Variants in BDP1 observed in about 807,000 individuals in gnomAD.
BDP1 encodes BDP1 general transcription factor IIIB subunit.
BDP1 carries 169 observed loss-of-function variants against 266.6 expected under a neutral mutation model. That is an observed-to-expected ratio of 0.63 (90% confidence interval 0.56 to 0.72). The LOEUF (loss-of-function observed/expected upper bound fraction) is 0.72, where lower values mean the gene tolerates loss of function less well. Among genes scored for constraint, BDP1 ranks in the 30% least tolerant of loss-of-function variants. The probability of loss-of-function intolerance (pLI) is 0.00; values close to 1 mark genes in which losing one functional copy is unlikely to be tolerated. For synonymous variants in BDP1, 1,090 were observed against 1,022.4 expected (o/e 1.07, Z -1.26); for missense variants, 3,015 against 3,053.8 (o/e 0.99, Z 0.30).
At position 71,567,590 on chromosome 5, in the gene BDP1, A is replaced by G. The variant is rs775049696; in HGVS notation, c.*2705A>G. 7.2e-5 allele frequency: 11 copies of G among 152,628 alleles called. No individual in the cohort carries two copies. The highest frequency in any genetic ancestry group is 1.3e-4 in the Non-Finnish European group (9 of 68,034). 9.5% of individuals were successfully genotyped at this position (152,628 alleles called of 1,614,324 possible). On this transcript the variant is annotated 3_prime_UTR_variant, in exon 39 of 39. Coordinates refer to ENST00000358731, the MANE Select transcript of BDP1 (RefSeq NM_018429.3). ...ACACTTATGTCTTAGCAAGTGGTCA[A>G]CATGAGGATTTGAACGCCTAATTGT...
At position 71,526,040 on chromosome 5, in the gene BDP1, G is replaced by A. The variant is rs561057880; in HGVS notation, c.5772+1717G>A. Among the ~76,000 whole-genome samples, 146 of 152,168 alleles carry A rather than the reference G, an allele frequency of 9.6e-4. 2 individuals carry two copies. Among genetic ancestry groups the A allele is most frequent in the African/African-American group, 2.9e-3 (121 of 41,538 alleles). On this transcript the variant is annotated intron_variant, in intron 25 of 38. Transcript: ENST00000358731. ...CTCCTCACTTCCCAGACGGGGTGGC[G>A]GCCGGGCAGAGGCTGCAATCTCGGC...
the BDP1 span, among the ~76,000 whole-genome samples, chr5:71,572,964 C>T: frequency 6.6e-6 from 1 of 152,132 alleles, no homozygotes; most frequent in Non-Finnish European, 1.5e-5. Flanking sequence ...CATGGTGGCT[C>T]ACGCCTGTAA....
chr5:71,479,945 TTTTG>T (rs1462588366), intron 7 of BDP1, among the ~76,000 whole-genome samples: 4 of 152,064 alleles, frequency 2.6e-5, no homozygotes, highest in East Asian at 1.9e-4. Context: ...TCACGGGTTT[TTTTG>T]TTTGTTTTTG....
At chr5:71,548,353 T>C (rs1479784403) in intron 32 of BDP1, among the ~76,000 whole-genome samples, 1 of 152,212 alleles carries the variant, frequency 6.6e-6, no homozygotes, top group Non-Finnish European at 1.5e-5. Context: ...GCAGTTTGCC[T>C]TCATTCAGAT....
intron 7 of BDP1, 37 bp from the exon 8 acceptor site, chr5:71,483,805 G>T (rs1763100905): frequency 6.6e-7 from 1 of 1,516,294 alleles, no homozygotes; most frequent in Non-Finnish European, 9.1e-7. Context: ...CTTGTTTTAT[G>T]AGAGAAAATT....
intron 38 of BDP1, among the ~76,000 whole-genome samples, chr5:71,563,676 G>A (rs1410725115): frequency 6.6e-6 from 1 of 152,152 alleles, no homozygotes; most frequent in African/African-American, 2.4e-5. Flanking sequence ...ACTTTGGGAG[G>A]CCAAGGCGGG....
At chr5:71,504,573 G>A (rs1209003278) in intron 15 of BDP1, 48 bp from the exon 16 acceptor site, 1 of 1,533,076 alleles carries the variant, frequency 6.5e-7, no homozygotes, top group Non-Finnish European at 8.9e-7. Context: ...AATCTGTTAT[G>A]CCTCATTGTG....
At chr5:71,554,350 A>T (rs906965960) in intron 35 of BDP1, among the ~76,000 whole-genome samples, 2 of 152,132 alleles carry the variant, frequency 1.3e-5, no homozygotes, top group Admixed American at 1.3e-4. Flanking sequence ...ACTCTTATAT[A>T]TGTCTGTGGT....
chr5:71,526,599 G>C (rs1197297319), intron 25 of BDP1, among the ~76,000 whole-genome samples: 1 of 117,758 alleles, frequency 8.5e-6, no homozygotes, highest in African/African-American at 3.2e-5. Flanking sequence ...CTGGGAGACA[G>C]AGCGAGACTC....
Position 71,510,172 on chromosome 5 carries a change from A to C in BDP1, c.3080A>C (p.Glu1027Ala). 1 of 1,614,044 alleles carries C rather than the reference A, an allele frequency of 6.2e-7. No individual in the cohort carries two copies. Among genetic ancestry groups the C allele is most frequent in the Non-Finnish European group, 8.5e-7 (1 of 1,180,006 alleles). ...AGTTCTCCAAGGGAGAAGACACCAG[A>C]GGTGATTGATGCTACTGAGGAAATA... ...RESSPREKTP[E>A]VIDATEEIDL... The change falls in exon 17 of 39, where the codon GAG becomes GCG. Residue 1027 changes from glutamate (E) to alanine (A), a missense_variant. By Grantham distance (107) the Glu-to-Ala change is moderately radical (BLOSUM62 -1). Coordinates refer to ENST00000358731, the MANE Select transcript of BDP1 (RefSeq NM_018429.3).
At chr5:71,550,334 T>C (rs1742656881) in intron 34 of BDP1, among the ~76,000 whole-genome samples, 1 of 151,302 alleles carries the variant, frequency 6.6e-6, no homozygotes, top group South Asian at 2.1e-4. Context: ...TGCAGTGAGC[T>C]GAGATTGCAC....
intron 26 of BDP1, among the ~76,000 whole-genome samples, chr5:71,536,352 G>A (rs867596754): frequency 4.6e-5 from 7 of 152,144 alleles, no homozygotes; most frequent in Middle Eastern, 3.2e-3. Context: ...TTGATAAACT[G>A]TTACATACTT....
At chr5:71,466,369 G>A (rs926641257) in intron 5 of BDP1, 148 bp downstream of exon 5, 5 of 844,838 alleles carry the variant, frequency 5.9e-6, no homozygotes. Flanking sequence ...ATAGAAAAGT[G>A]GGTTAGATTA....
intron 26 of BDP1, chr5:71,537,971 A>G (rs570034922): frequency 3.9e-5 from 6 of 152,364 alleles, no homozygotes; most frequent in African/African-American, 1.4e-4. Context: ...TGATGTTACC[A>G]TGGATTTTTC....
chr5:71,517,280 C>A, intron 21 of BDP1, 42 bp from the exon 22 acceptor site: 3 of 1,458,678 alleles, frequency 2.1e-6, no homozygotes, highest in Non-Finnish European at 1.9e-6. Context: ...GAGGTATATT[C>A]TGCTATAAAA....
intron 7 of BDP1, among the ~76,000 whole-genome samples, chr5:71,478,695 C>T (rs970797576): frequency 2.0e-5 from 3 of 151,614 alleles, no homozygotes; most frequent in African/African-American, 4.8e-5. Context: ...AGCTGTATGA[C>T]GATGATATGC....
At chr5:71,522,186 A>G in intron 22 of BDP1, 103 bp from the exon 23 acceptor site, 1 of 859,378 alleles carries the variant, frequency 1.2e-6, no homozygotes, top group Non-Finnish European at 1.9e-6. Context: ...TAGTCCTTTG[A>G]ACATAGAATT....
intron 30 of BDP1, 72 bp from the exon 31 acceptor site, chr5:71,544,285 G>A (rs907724037): frequency 2.9e-6 from 4 of 1,378,100 alleles, no homozygotes; most frequent in Admixed American, 2.1e-5. Flanking sequence ...TTTTAAGAGG[G>A]CATATGTTTC....
intron 10 of BDP1, among the ~76,000 whole-genome samples, chr5:71,490,030 C>A (rs747069753): frequency 1.3e-5 from 2 of 152,178 alleles, no homozygotes; most frequent in Non-Finnish European, 2.9e-5. Context: ...CTCTACAGAG[C>A]ACCTCTGTGA....
Sources: allele counts gnomAD v4.1 joint callset (sites outside exome capture counted in the v4.1 genomes callset), GRCh38; gene constraint gnomAD v4.1.1; transcripts MANE v1.5; gene names NCBI Gene and HGNC (gene_info 2026-07-23, HGNC 2026-07-21).